Variants in MAF observed in about 807,000 individuals in gnomAD.
The protein encoded by MAF is MAF bZIP transcription factor, also known as transcription factor Maf.
In MAF, 10 loss-of-function variants were observed where a neutral mutation model predicts 22.0. The ratio of observed to expected loss-of-function variants is 0.45; its 90% CI spans 0.28 to 0.77. The LOEUF (loss-of-function observed/expected upper bound fraction) is 0.77, where lower values mean the gene tolerates loss of function less well. Ranked by LOEUF, MAF falls within the 30% of genes least tolerant of loss-of-function variation. The pLI is 0.12. For synonymous variants in MAF, 337 were observed against 255.8 expected (o/e 1.32, Z -3.03); for missense variants, 544 against 548.4 (o/e 0.99, Z 0.08).
At chr16:79,229,140 C>G in the MAF span, among the ~76,000 whole-genome samples, 2 of 151,650 alleles carry the variant, frequency 1.3e-5, no homozygotes, top group East Asian at 1.9e-4. Flanking sequence ...AACATAGACC[C>G]CCCCCAACAC....
the MAF span, among the ~76,000 whole-genome samples, chr16:79,369,266 G>A: frequency 1.2e-4 from 18 of 152,104 alleles, no homozygotes; most frequent in African/African-American, 4.1e-4. Context: ...CTATGTGCTG[G>A]GAGCTGGGTT....
At chr16:79,314,880 C>T in the MAF span, among the ~76,000 whole-genome samples, 36 of 152,238 alleles carry the variant, frequency 2.4e-4, no homozygotes, top group East Asian at 5.8e-3. Context: ...GAGCAAGTCC[C>T]GGTGGGACAC....
chr16:79,207,161 C>G, the MAF span, among the ~76,000 whole-genome samples: 1 of 152,218 alleles, frequency 6.6e-6, no homozygotes, highest in African/African-American at 2.4e-5. Context: ...TCATCTCCAC[C>G]GCAGCAGCTC....
downstream of MAF, among the ~76,000 whole-genome samples, chr16:79,591,445 T>C (rs1022351767): frequency 6.6e-6 from 1 of 152,206 alleles, no homozygotes; most frequent in Non-Finnish European, 1.5e-5. Flanking sequence ...AAGAGAGGAA[T>C]GTGATTTTGC....
the MAF span, among the ~76,000 whole-genome samples, chr16:79,364,730 C>CT: frequency 6.6e-6 from 1 of 152,166 alleles, no homozygotes; most frequent in Non-Finnish European, 1.5e-5. Flanking sequence ...ACGTAATTAC[C>CT]TACAAGGAGA....
the MAF span, among the ~76,000 whole-genome samples, chr16:79,292,572 C>T: frequency 9.9e-4 from 150 of 152,248 alleles, no homozygotes; most frequent in African/African-American, 3.4e-3. Flanking sequence ...GTATGTATTA[C>T]CAATATAGTC....
At chr16:79,313,842 G>C in the MAF span, among the ~76,000 whole-genome samples, 1 of 152,160 alleles carries the variant, frequency 6.6e-6, no homozygotes, top group Non-Finnish European at 1.5e-5. Context: ...AGAGGTGTAA[G>C]TCTCAGAACT....
At chr16:79,217,758 T>C in the MAF span, among the ~76,000 whole-genome samples, 1 of 152,146 alleles carries the variant, frequency 6.6e-6, no homozygotes, top group African/African-American at 2.4e-5. Context: ...GAGACCTTGC[T>C]GCAACTTATC....
the MAF span, among the ~76,000 whole-genome samples, chr16:79,248,544 C>G: frequency 6.6e-6 from 1 of 152,180 alleles, no homozygotes; most frequent in East Asian, 1.9e-4. Context: ...TTGGACTGAT[C>G]TGGTTTACAT....
At chr16:79,471,353 C>A in the MAF span, among the ~76,000 whole-genome samples, 1 of 152,190 alleles carries the variant, frequency 6.6e-6, no homozygotes, top group Non-Finnish European at 1.5e-5. Context: ...TCACACTTTC[C>A]AGATGTAAAA....
chr16:79,514,025 CT>C, the MAF span, among the ~76,000 whole-genome samples: 3 of 152,196 alleles, frequency 2.0e-5, no homozygotes, highest in Non-Finnish European at 4.4e-5. Flanking sequence ...CATTTAATAT[CT>C]GTTCTCAGTG....
At chr16:79,255,236 G>T in the MAF span, among the ~76,000 whole-genome samples, 2 of 152,212 alleles carry the variant, frequency 1.3e-5, no homozygotes, top group Non-Finnish European at 2.9e-5. Context: ...TTCAGTCCAG[G>T]AATGGTTAGC....
At chr16:79,323,982 G>A in the MAF span, among the ~76,000 whole-genome samples, 9 of 152,152 alleles carry the variant, frequency 5.9e-5, no homozygotes, top group Non-Finnish European at 1.3e-4. Flanking sequence ...GTTCCAGAGC[G>A]TATGCATCTT....
chr16:79,289,960 G>T, the MAF span, among the ~76,000 whole-genome samples: 4 of 147,608 alleles, frequency 2.7e-5, no homozygotes, highest in South Asian at 2.2e-4. Flanking sequence ...GGATTCAAGC[G>T]ATTCTCCTGC....
the MAF span, among the ~76,000 whole-genome samples, chr16:79,438,896 C>T: frequency 6.6e-6 from 1 of 152,168 alleles, no homozygotes; most frequent in Non-Finnish European, 1.5e-5. Flanking sequence ...TCCCTGGGAC[C>T]GTCCAGGGAG....
the MAF span, among the ~76,000 whole-genome samples, chr16:79,207,788 CTT>C: frequency 6.6e-6 from 1 of 150,702 alleles, no homozygotes; most frequent in African/African-American, 2.4e-5. Context: ...TATGTGGGTG[CTT>C]TTTTTTTCTT....
the MAF span, among the ~76,000 whole-genome samples, chr16:79,438,624 C>T: frequency 3.3e-5 from 5 of 152,018 alleles, no homozygotes; most frequent in Non-Finnish European, 5.9e-5. Flanking sequence ...GGGAAGGGGG[C>T]GGAGCTCAGA....
At chr16:79,439,646 G>A in the MAF span, among the ~76,000 whole-genome samples, 1 of 152,140 alleles carries the variant, frequency 6.6e-6, no homozygotes, top group Non-Finnish European at 1.5e-5. Context: ...AAAACAGTCT[G>A]CTCTGCTCCA....
At chr16:79,440,887 A>C in the MAF span, among the ~76,000 whole-genome samples, 8 of 152,336 alleles carry the variant, frequency 5.3e-5, no homozygotes, top group Admixed American at 2.6e-4. Flanking sequence ...CAAGTGGCCC[A>C]AAGGAAAAAG....
Sources: gnomAD v4.1 joint callset for allele counts (sites outside exome capture counted in the v4.1 genomes callset) on GRCh38, gnomAD v4.1.1 for gene constraint, MANE v1.5 for transcripts, NCBI Gene and HGNC (gene_info 2026-07-23, HGNC 2026-07-21) for gene names.